The following RBMS3 variants were observed in gnomAD, a reference collection of about 807,000 sequenced individuals.
RBMS3 encodes the protein RNA-binding motif, single-stranded-interacting protein 3.
Under a neutral mutation model 66.8 loss-of-function variants are expected in RBMS3, and 27 were observed. That is an observed-to-expected ratio of 0.40 (90% CI 0.30 to 0.56). The LOEUF is 0.56. Among genes scored for constraint, RBMS3 ranks in the 20% least tolerant of loss-of-function variants. The pLI, the probability that RBMS3 is intolerant of heterozygous loss-of-function variation, is 0.40. For missense variants in RBMS3, 513 were observed against 549.5 expected (o/e 0.93, Z 0.66); for synonymous variants, 188 against 183.0 (o/e 1.03, Z -0.22).
chr3:29,337,808 C>T (rs1171308730), intron 1 of RBMS3, among the ~76,000 whole-genome samples: 2 of 152,170 alleles, frequency 1.3e-5, no homozygotes, highest in Non-Finnish European at 1.5e-5. Context: ...CTTGTCTCTA[C>T]AAACACTGTG....
chr3:29,669,782 G>A (rs983616035), intron 4 of RBMS3, among the ~76,000 whole-genome samples: 1 of 151,962 alleles, frequency 6.6e-6, no homozygotes, highest in Admixed American at 6.6e-5. Flanking sequence ...TTTTGTTGTT[G>A]TTTTTTAAAC....
intron 6 of RBMS3, among the ~76,000 whole-genome samples, chr3:29,865,749 T>C (rs535836055): frequency 1.3e-5 from 2 of 152,226 alleles, no homozygotes; most frequent in South Asian, 2.1e-4. Flanking sequence ...GCATGGACTG[T>C]AGGACTCACA....
chr3:29,772,430 T>C (rs551893042), intron 6 of RBMS3, among the ~76,000 whole-genome samples: 11 of 152,046 alleles, frequency 7.2e-5, no homozygotes, highest in Non-Finnish European at 1.6e-4. Flanking sequence ...TCTCATAGTT[T>C]CTCCTGATTT....
chr3:29,777,070 T>C (rs969492125), intron 6 of RBMS3, among the ~76,000 whole-genome samples: 6 of 151,926 alleles, frequency 3.9e-5, no homozygotes, highest in Admixed American at 1.3e-4. Context: ...TTTCCCAGCA[T>C]ATCATTGCAC....
intron 3 of RBMS3, among the ~76,000 whole-genome samples, chr3:29,548,295 G>A (rs892506523): frequency 6.6e-6 from 1 of 151,930 alleles, no homozygotes; most frequent in African/African-American, 2.4e-5. Context: ...AGCTGGGCCT[G>A]GTGGCATGCC....
At chr3:29,797,832 G>T (rs28595225) in intron 6 of RBMS3, 1 of 152,130 alleles carries the variant, frequency 6.6e-6, no homozygotes, top group Non-Finnish European at 1.5e-5. Flanking sequence ...GCATTTGGTA[G>T]GTATGGGTAT....
At chr3:29,873,027 T>C (rs965287170) in intron 7 of RBMS3, among the ~76,000 whole-genome samples, 2 of 152,214 alleles carry the variant, frequency 1.3e-5, no homozygotes, top group African/African-American at 2.4e-5. Context: ...TCAGGTAACA[T>C]GATGCCTCCA....
At chr3:29,510,693 T>C (rs1438927659) in intron 3 of RBMS3, among the ~76,000 whole-genome samples, 1 of 152,182 alleles carries the variant, frequency 6.6e-6, no homozygotes, top group African/African-American at 2.4e-5. Flanking sequence ...TATAAGCAAC[T>C]CAAAACATTT....
At chr3:29,786,794 G>A (rs2056835938) in intron 6 of RBMS3, among the ~76,000 whole-genome samples, 1 of 152,114 alleles carries the variant, frequency 6.6e-6, no homozygotes, top group African/African-American at 2.4e-5. Flanking sequence ...AGTACTTTAT[G>A]ACCAAGAACC....
intron 3 of RBMS3, among the ~76,000 whole-genome samples, chr3:29,500,915 A>C (rs1434657669): frequency 6.6e-6 from 1 of 152,086 alleles, no homozygotes; most frequent in Non-Finnish European, 1.5e-5. Context: ...AGAGTTTAAA[A>C]ATTGTTATAT....
intron 1 of RBMS3, among the ~76,000 whole-genome samples, chr3:29,388,449 G>A (rs1350276422): frequency 2.0e-5 from 3 of 152,118 alleles, no homozygotes; most frequent in Non-Finnish European, 4.4e-5. Flanking sequence ...TTTTATCACT[G>A]CACTATAAAA....
chr3:29,625,269 G>C (rs974359881), intron 4 of RBMS3, among the ~76,000 whole-genome samples: 4 of 152,138 alleles, frequency 2.6e-5, no homozygotes, highest in Non-Finnish European at 5.9e-5. Flanking sequence ...CCGTACTCAA[G>C]CAAGCTGTGG....
chr3:29,928,032 C>A (rs867219118), intron 10 of RBMS3, among the ~76,000 whole-genome samples: 6 of 151,780 alleles, frequency 4.0e-5, no homozygotes, highest in African/African-American at 1.5e-4. Context: ...CTTAACAGTA[C>A]CAGTGTCTTA....
chr3:29,702,608 C>T (rs978648357), intron 4 of RBMS3, among the ~76,000 whole-genome samples: 2 of 152,170 alleles, frequency 1.3e-5, no homozygotes, highest in African/African-American at 4.8e-5. Flanking sequence ...CAGCTTCATT[C>T]CTGAGGCCAG....
chr3:29,729,497 A>G lies in RBMS3; in HGVS notation c.400-10223A>G, dbSNP rs146150940. ...GCATGATTTATAATCTTTTGGGTAT[A>G]TACCCAGTAATAGGATTGCTGGATC... On this transcript the variant is annotated intron_variant, in intron 4 of 14. Transcript: ENST00000383767. Among the ~76,000 whole-genome samples, 7 of 152,284 alleles carry G rather than the reference A, an allele frequency of 4.6e-5. No individual in the cohort carries two copies. The East Asian group carries it at 7.7e-4, about 17-fold the overall frequency.
At chr3:29,498,752 C>A (rs9835577) in intron 3 of RBMS3, among the ~76,000 whole-genome samples, 20,073 of 152,182 alleles carry the variant, frequency 0.13, 1,965 homozygotes, top group African/African-American at 0.27. Context: ...ATACATCAGG[C>A]AAATGTTTCT....
chr3:29,817,967 A>T (rs1056502006), intron 6 of RBMS3, among the ~76,000 whole-genome samples: 1 of 152,154 alleles, frequency 6.6e-6, no homozygotes, highest in Non-Finnish European at 1.5e-5. Flanking sequence ...GCTATATGCT[A>T]TACTCTATGT....
At chr3:29,489,299 A>G (rs558605641) in intron 3 of RBMS3, among the ~76,000 whole-genome samples, 3 of 152,290 alleles carry the variant, frequency 2.0e-5, no homozygotes, top group African/African-American at 7.2e-5. Context: ...GTTTTAGGAA[A>G]GAACACTCAG....
rs530965429 is a variant in RBMS3, at chr3:29,501,628, T to A, written c.307+13129T>A. On this transcript the variant is annotated intron_variant, in intron 3 of 14. Coordinates refer to ENST00000383767, the MANE Select transcript of RBMS3 (RefSeq NM_001003793.3). ...CTGCATTAGCATTTACCAACATCTC[T>A]ATCTTTTGTTTCCTGTCTGAGTTTA... 4.3e-4 allele frequency among the ~76,000 whole-genome samples: 65 copies of A among 152,280 alleles called. No homozygotes were observed. The South Asian group carries it at 0.013, about 31-fold the overall frequency.
Sources: allele counts gnomAD v4.1 joint callset (sites outside exome capture counted in the v4.1 genomes callset), GRCh38; gene constraint gnomAD v4.1.1; transcripts MANE v1.5; gene names NCBI Gene and HGNC (gene_info 2026-07-23, HGNC 2026-07-21).